The following ZNF777 variants were observed in gnomAD, a reference collection of about 807,000 sequenced individuals.
ZNF777 encodes zinc finger protein 777.
Under a neutral mutation model 72.1 loss-of-function variants are expected in ZNF777, and 7 were observed. The ratio of observed to expected loss-of-function variants is 0.10; its 90% CI spans 0.06 to 0.18. ZNF777 has a LOEUF of 0.18. ZNF777 is among the 10% of genes least tolerant of loss of function. The probability of loss-of-function intolerance (pLI) is 1.00; values close to 1 mark genes in which losing one functional copy is unlikely to be tolerated. For missense variants in ZNF777, 828 were observed against 1,128.6 expected (o/e 0.73, Z 3.82); for synonymous variants, 545 against 483.5 (o/e 1.13, Z -1.67).
At chr7:149,454,298 G>A in intron 2 of ZNF777, 61 bp from the exon 3 acceptor site, 1 of 1,603,822 alleles carries the variant, frequency 6.2e-7, no homozygotes, top group Non-Finnish European at 8.5e-7. Context: ...CCCACGGCTG[G>A]CCAATCCCAA....
rs780831668 is a variant in ZNF777 at position 149,432,214 on chromosome 7, G to A, written c.2058C>T (p.His686=). The change falls in exon 6 of 6, where the codon CAC becomes CAT. Residue 686 remains histidine, a synonymous_variant. Transcript: ENST00000247930. ...TGAAGGAGACCTCATGCTTGCCCGC[G>A]TGCACGCGCTGATGGATCACCAAGC... is the stretch of plus-strand genomic sequence containing the variant. ...HISLVIHQRV[H]AGKHEVSFIC... is the part of the protein sequence containing the mutation. 1.1e-5 allele frequency: 17 copies of A among 1,606,718 alleles called. No homozygotes were observed. The African/African-American group carries it at 1.6e-4, about 15-fold the overall frequency.
Position 149,460,074 on chromosome 7 carries a change from C to A in ZNF777, c.-16+741G>T. 1.0e-6 allele frequency: 1 copy of A among 982,522 alleles called. No homozygotes were observed. The highest frequency in any genetic ancestry group is 4.7e-5 in the South Asian group (1 of 21,268). The allele number at this position is 982,522 out of a possible 1,614,324, so 60.9% of individuals were successfully genotyped here. A position where few individuals can be genotyped will look rare whatever the true frequency, so the allele number is the denominator to read the frequency against. On this transcript the variant is annotated intron_variant, in intron 1 of 5. Coordinates refer to ENST00000247930, the MANE Select transcript of ZNF777 (RefSeq NM_015694.3). This position sits in a 1 kb window ranked among gnomAD's most constrained non-coding sequence, Gnocchi z 6.1. ...GCCGAGCCCGGGACACGCAGGCCGT[C>A]CCCGGGGCCCCGAGGCCGCGCGTCC...
rs780080746 is a variant in ZNF777 at position 149,432,374 on chromosome 7, G to C, written c.1898C>G (p.Pro633Arg). The change falls in exon 6 of 6, where the codon CCT becomes CGT. Residue 633 changes from proline to arginine, a missense_variant. Pro to Arg is a moderately radical substitution (Grantham distance 103). Transcript: ENST00000247930. ...GCACTCGGGGCACTTGTAGGGCTTA[G>C]GGCCACCGCCGCCGCTACCAGAGCT... ...SPSSGSGGGG[P>R]KPYKCPECDS... 1 of 1,612,898 alleles carries C rather than the reference G, an allele frequency of 6.2e-7. No homozygotes were observed. The highest frequency in any genetic ancestry group is 8.5e-7 in the Non-Finnish European group (1 of 1,179,980).
chr7:149,432,740 G>A lies in ZNF777; in HGVS notation c.1532C>T (p.Pro511Leu). 1 of 1,611,792 alleles carries A rather than the reference G, an allele frequency of 6.2e-7. No homozygotes were observed. The highest frequency in any genetic ancestry group is 8.5e-7 in the Non-Finnish European group (1 of 1,178,458). ...ESPPPLQLGN[P>L]AVKRLAPSVH... ...GGAGGGCGCCAGCCTTTTCACTGCG[G>A]GGTTTCCTAGCTGCAGGGGCGGGGG... Residue 511 changes from proline to leucine, a missense_variant, in exon 6 of 6, where the codon CCC (proline) becomes CTC (leucine). Physicochemically the swap from Pro to Leu is moderately conservative, Grantham distance 98. Around this residue, in one of 12 missense-constraint regions of ZNF777, gnomAD observed 219 missense variants for 223.0 expected, o/e 0.98. Transcript: ENST00000247930.
chr7:149,446,598 C>T (rs1042606781), intron 4 of ZNF777, among the ~76,000 whole-genome samples: 4 of 152,090 alleles, frequency 2.6e-5, no homozygotes, highest in African/African-American at 9.7e-5. Flanking sequence ...TCACTGACCT[C>T]ACTATAGTTA....
intron 4 of ZNF777, among the ~76,000 whole-genome samples, chr7:149,450,514 G>A (rs933229126): frequency 7.2e-5 from 11 of 152,090 alleles, no homozygotes; most frequent in Non-Finnish European, 1.6e-4. Flanking sequence ...TGAGCCACAC[G>A]GCCTCTGGTC....
chr7:149,434,061 A>G (rs1020815381), intron 5 of ZNF777, among the ~76,000 whole-genome samples: 19 of 151,974 alleles, frequency 1.3e-4, no homozygotes. Context: ...TGAGCACAGT[A>G]TCTTATTATA....
chr7:149,431,734 C>T lies in ZNF777; in HGVS notation c.*42G>A, dbSNP rs757858562. 26 of 1,307,968 alleles carry T rather than the reference C, an allele frequency of 2.0e-5. No individual in the cohort carries two copies. In the East Asian group the frequency reaches 6.5e-4, roughly 33 times the overall value. 81.0% of individuals were successfully genotyped at this position (1,307,968 alleles called of 1,614,324 possible). A position where few individuals can be genotyped will look rare whatever the true frequency, so the allele number is the denominator to read the frequency against. ...GCCTGGCGGTGTCCGAGGGGGGGCACGGCCCGCGCACCTGGCCGGGCGGCG... is the reference window on the plus strand; with the variant it reads ...GCCTGGCGGTGTCCGAGGGGGGGCATGGCCCGCGCACCTGGCCGGGCGGCG... On this transcript the variant is annotated 3_prime_UTR_variant, in exon 6 of 6. Coordinates refer to ENST00000247930, the MANE Select transcript of ZNF777 (RefSeq NM_015694.3).
chr7:149,455,604 AGGGGGTCTTTCTCAG>A lies in ZNF777; in HGVS notation c.404_418del (p.Pro135_Pro139del). 1 of 1,567,376 alleles carries A rather than the reference AGGGGGTCTTTCTCAG, an allele frequency of 6.4e-7. No homozygotes were observed. ...CTCGGGAACTGTTGGGGAAAGGGTC[AGGGGGTCTTTCTCAG>A]GAGCTTCAGGGGAGTGAACGGGGGC... is the stretch of plus-strand genomic sequence containing the variant. On this transcript the variant is annotated inframe_deletion, in exon 2 of 6. Transcript: ENST00000247930. This position sits in a 1 kb window ranked among gnomAD's most constrained non-coding sequence, Gnocchi z 4.2.
At position 149,431,712 on chromosome 7, in the gene ZNF777, T is replaced by C; in HGVS notation, c.*64A>G. 1.6e-6 allele frequency: 2 copies of C among 1,214,258 alleles called. No homozygotes were observed. The allele number at this position is 1,214,258 out of a possible 1,614,324, so 75.2% of individuals were successfully genotyped here. ...CGCCCCCGCCCGCTGGGCTCGGGCC[T>C]GGCGGTGTCCGAGGGGGGGCACGGC... On this transcript the variant is annotated 3_prime_UTR_variant, in exon 6 of 6. Coordinates refer to ENST00000247930, the MANE Select transcript of ZNF777 (RefSeq NM_015694.3).
At position 149,432,855 on chromosome 7, in the gene ZNF777, G is replaced by C. The variant is rs1244183979; in HGVS notation, c.1417C>G (p.Gln473Glu). Residue 473 changes from glutamine (Q) to glutamate (E), a missense_variant, in exon 6 of 6, where the codon CAA becomes GAA. By Grantham distance (29) the Gln-to-Glu change is conservative. Around this residue, in one of 12 missense-constraint regions of ZNF777, gnomAD observed 219 missense variants for 223.0 expected, o/e 0.98. Transcript: ENST00000247930. ...CTCCCGGACAGCTGCCCAAGGGATT[G>C]CAAGTGCTGCGGCAGCTCATCCTCC... is the stretch of plus-strand genomic sequence containing the variant. ...EEEDELPQHL[Q>E]SLGQLSGRYE... 27 of 1,577,068 alleles carry C rather than the reference G, an allele frequency of 1.7e-5. No individual in the cohort carries two copies. The highest frequency in any genetic ancestry group is 4.7e-5 in the South Asian group (4 of 85,156).
chr7:149,443,351 T>C (rs1381579079), intron 4 of ZNF777, among the ~76,000 whole-genome samples: 1 of 152,242 alleles, frequency 6.6e-6, no homozygotes, highest in East Asian at 1.9e-4. Context: ...ATTAAGGCCA[T>C]GTGTATGTAA....
chr7:149,448,578 A>AATATATATAT (rs1491438473), intron 4 of ZNF777, among the ~76,000 whole-genome samples: 2 of 39,962 alleles, frequency 5.0e-5, no homozygotes, highest in African/African-American at 3.0e-4. Flanking sequence ...TATACATATA[A>AATATATATAT]CTATATATAT....
At chr7:149,441,542 A>C (rs971625408) in intron 4 of ZNF777, among the ~76,000 whole-genome samples, 1 of 152,214 alleles carries the variant, frequency 6.6e-6, no homozygotes, top group African/African-American at 2.4e-5. Context: ...ATTTTGCTAT[A>C]AATTGTTTTG....
chr7:149,432,526 G>A lies in ZNF777; in HGVS notation c.1746C>T (p.Ser582=). Residue 582 remains serine, a synonymous_variant, in exon 6 of 6, where the codon AGC becomes AGT. Transcript: ENST00000247930. ...GCGTGAGCTGTTGCTTGTGCCGGAAGCTGATCTCGCATTCGGCGCACTCGT... is the reference window on the plus strand; with the variant it reads ...GCGTGAGCTGTTGCTTGTGCCGGAAACTGATCTCGCATTCGGCGCACTCGT... ...GPYECAECEI[S]FRHKQQLTLH... 1 of 1,613,966 alleles carries A rather than the reference G, an allele frequency of 6.2e-7. No individual in the cohort carries two copies. Among genetic ancestry groups the A allele is most frequent in the Non-Finnish European group, 8.5e-7 (1 of 1,179,904 alleles).
In ZNF777 at chr7:149,455,916, C is replaced by A. The variant is rs374336310; in HGVS notation, c.107G>T (p.Arg36Leu). 1.9e-5 allele frequency: 31 copies of A among 1,612,026 alleles called. No homozygotes were observed. The highest frequency in any genetic ancestry group is 4.0e-5 in the African/African-American group (3 of 74,294). The part of the protein sequence containing the change: ...GLPRETLFQS[R>L]VLPPKEIPSL... ...AGGAATTTCTTTGGGAGGAAGAACG[C>A]GGGATTGGAACAGAGTTTCTCGGGG... The change falls in exon 2 of 6, where the codon CGC (arginine) becomes CTC (leucine). Residue 36 changes from arginine to leucine, a missense_variant. Arg to Leu is a moderately radical substitution (Grantham distance 102). Transcript: ENST00000247930. This position sits in a 1 kb window ranked among gnomAD's most constrained non-coding sequence, Gnocchi z 4.2.
rs1799423214 is a variant in ZNF777, at chr7:149,436,994, C to T, written c.1088-168G>A. Among the ~76,000 whole-genome samples, 1 of 152,126 alleles carries T rather than the reference C, an allele frequency of 6.6e-6. No homozygotes were observed. Among genetic ancestry groups the T allele is most frequent in the African/African-American group, 2.4e-5 (1 of 41,410 alleles). On this transcript the variant is annotated intron_variant, in intron 4 of 5. Transcript: ENST00000247930. This position sits in a 1 kb window ranked among gnomAD's most constrained non-coding sequence, Gnocchi z 5.0. ...ATGAGTAGACACAGAATTTTCTGGA[C>T]ACCTTGTAGCTTTGAATACCAATAC...
At chr7:149,438,338 C>A (rs968670032) in intron 4 of ZNF777, among the ~76,000 whole-genome samples, 38 of 152,202 alleles carry the variant, frequency 2.5e-4, no homozygotes, top group African/African-American at 9.2e-4. Flanking sequence ...GTTAAAAATG[C>A]TGTATATATT....
Position 149,455,438 on chromosome 7 carries a change from C to G in ZNF777, c.585G>C (p.Val195=), listed in dbSNP as rs1336558483. The G allele has an allele frequency of 1.2e-6, 2 of 1,614,110 alleles. No individual in the cohort carries two copies. The highest frequency in any genetic ancestry group is 1.7e-6 in the Non-Finnish European group (2 of 1,180,060). Residue 195 remains valine, a synonymous_variant, in exon 2 of 6, where the codon GTG becomes GTC. Transcript: ENST00000247930. This position sits in a 1 kb window ranked among gnomAD's most constrained non-coding sequence, Gnocchi z 4.2. ...TGGCCTGGGCCTCCAGCTTCCTCTC[C>G]ACTGCTTGGACGGCAGCCCACACAG... The part of the protein sequence containing the change: ...RLAVWAAVQA[V]ERKLEAQAMR...
Sources: allele counts gnomAD v4.1 joint callset (sites outside exome capture counted in the v4.1 genomes callset), GRCh38; gene constraint gnomAD v4.1.1; regional missense constraint gnomAD v4.1.1; non-coding constraint Gnocchi (gnomAD v3.1); transcripts MANE v1.5; gene names NCBI Gene and HGNC (gene_info 2026-07-23, HGNC 2026-07-21).